Variants in TMEM131 observed in about 807,000 individuals in gnomAD.
TMEM131 encodes 2610524E03Rik.
A neutral mutation model predicts 211.6 loss-of-function variants in TMEM131; 66 were observed. The observed-to-expected ratio is 0.31, with a 90% confidence interval of 0.26 to 0.38. TMEM131 has a LOEUF of 0.38. TMEM131 is among the 10% of genes least tolerant of loss of function. The pLI is 1.00. For synonymous variants in TMEM131, 844 were observed against 841.3 expected (o/e 1.00, Z -0.06); for missense variants, 2,036 against 2,299.3 (o/e 0.89, Z 2.34).
chr2:97,822,547 G>C (rs1382016098), intron 11 of TMEM131, among the ~76,000 whole-genome samples: 15 of 152,152 alleles, frequency 9.9e-5, no homozygotes, highest in Non-Finnish European at 1.5e-5. Flanking sequence ...TTTCGAGAAT[G>C]CGTCGGTAAG....
chr2:97,905,056 T>C (rs1042916003), intron 3 of TMEM131, among the ~76,000 whole-genome samples: 1 of 152,214 alleles, frequency 6.6e-6, no homozygotes. Context: ...CCACATATTT[T>C]TGCCTTTTTG....
intron 2 of TMEM131, 112 bp downstream of exon 2, chr2:97,927,314 C>A: frequency 1.3e-6 from 1 of 781,658 alleles, no homozygotes; most frequent in South Asian, 3.0e-5. Flanking sequence ...ATCTTCAAAG[C>A]TCATAAAATA....
chr2:97,943,032 AAAAGAAAAGAAAGAAAGAAAGAAAGAAAG>A (rs1677843467), intron 1 of TMEM131, among the ~76,000 whole-genome samples: 3 of 47,318 alleles, frequency 6.3e-5, no homozygotes, highest in South Asian at 6.6e-4. Flanking sequence ...AAAAGAAAAG[AAAAGAAAAGAAAGAAAGAAAGAAAGAAAG>A]AAAGAAAGAA....
At chr2:97,874,730 A>T (rs1674623421) in intron 4 of TMEM131, among the ~76,000 whole-genome samples, 1 of 152,234 alleles carries the variant, frequency 6.6e-6, no homozygotes. Flanking sequence ...GGAAGCACTA[A>T]ATATGGACAG....
intron 1 of TMEM131, among the ~76,000 whole-genome samples, chr2:97,943,461 C>T (rs568899583): frequency 3.9e-5 from 6 of 152,140 alleles, no homozygotes; most frequent in African/African-American, 1.2e-4. Flanking sequence ...TTATACATCT[C>T]GAACAAGTAC....
chr2:97,894,519 A>T (rs1339571873), intron 3 of TMEM131, among the ~76,000 whole-genome samples: 1 of 152,174 alleles, frequency 6.6e-6, no homozygotes. Context: ...ATAAGCATGG[A>T]AAGTTTTTCC....
chr2:97,844,146 TG>T lies in TMEM131; in HGVS notation c.598del (p.Gln200ArgfsTer13). 2 of 978,056 alleles carry T rather than the reference TG, an allele frequency of 2.0e-6. No individual in the cohort carries two copies. The highest frequency in any genetic ancestry group is 3.0e-5 in the South Asian group (1 of 32,870). The allele number at this position is 978,056 out of a possible 1,614,324, so 60.6% of individuals were successfully genotyped here. On this transcript the variant is annotated frameshift_variant and splice_region_variant, in exon 6 of 41. Coordinates refer to ENST00000186436, the MANE Select transcript of TMEM131 (RefSeq NM_015348.2). LOFTEE classifies it high-confidence loss of function. ...ATAAGTTTTAATTCTGGTTCTTACC[TG>T]GTAAGTAAATACCCCATGATTAGAT... ...NTSNHGVFTY[Q>X]VFGVGVPNPY...
At chr2:97,805,491 C>T (rs747305688) in intron 20 of TMEM131, 40 bp from the exon 21 acceptor site, 5 of 1,613,274 alleles carry the variant, frequency 3.1e-6, no homozygotes, top group East Asian at 4.5e-5. Flanking sequence ...CCCAAATCCA[C>T]AGGAGGTCAT....
At chr2:97,901,793 GGT>G (rs1675863873) in intron 3 of TMEM131, among the ~76,000 whole-genome samples, 1 of 152,092 alleles carries the variant, frequency 6.6e-6, no homozygotes, top group African/African-American at 2.4e-5. Flanking sequence ...TTTGCTTTTT[GGT>G]GTGAGAGGGA....
rs116275162 is a variant in TMEM131 at position 97,883,295 on chromosome 2, G to A, written c.359+4757C>T. On this transcript the variant is annotated intron_variant, in intron 4 of 40. Transcript: ENST00000186436. ...CTATTTTGGAGCAGCATGTAAATCC[G>A]CTGCTTTGGGGAACAGTCTTATATA... 6.4e-3 allele frequency among the ~76,000 whole-genome samples: 978 copies of A among 152,222 alleles called. 10 individuals carry two copies. Among genetic ancestry groups the A allele is most frequent in the African/African-American group, 0.022 (915 of 41,520 alleles).
At chr2:97,898,130 A>G (rs1314393088) in intron 3 of TMEM131, among the ~76,000 whole-genome samples, 3 of 151,830 alleles carry the variant, frequency 2.0e-5, no homozygotes, top group Non-Finnish European at 4.4e-5. Context: ...TTTAGTTTAC[A>G]TTGATTTTTT....
chr2:97,757,262 C>T lies in TMEM131; in HGVS notation c.5489G>A (p.Gly1830Asp), dbSNP rs372980602. 1.2e-6 allele frequency: 2 copies of T among 1,613,732 alleles called. No homozygotes were observed. The highest frequency in any genetic ancestry group is 1.7e-5 in the Admixed American group (1 of 59,980). Residue 1830 changes from glycine (G) to aspartate (D), a missense_variant, in exon 41 of 41, where the codon GGC becomes GAC. Transcript: ENST00000186436. ...AGGGGAGTTTTCTGTGCCCATGAGG[C>T]CGATGCTTGCCAGCGTGTTTGCTGG... ...TTPANTLASI[G>D]LMGTENSPAP...
At chr2:97,821,807 G>C (rs951632496) in intron 11 of TMEM131, among the ~76,000 whole-genome samples, 1 of 152,180 alleles carries the variant, frequency 6.6e-6, no homozygotes, top group African/African-American at 2.4e-5. Context: ...AAAGACACAG[G>C]TGTCAGGCTT....
In TMEM131 at chr2:97,943,540, T is replaced by G. The variant is rs535016595; in HGVS notation, c.188-16053A>C. 5.9e-5 allele frequency among the ~76,000 whole-genome samples: 9 copies of G among 152,262 alleles called. No homozygotes were observed. The East Asian group carries it at 1.5e-3, about 26-fold the overall frequency. ...TTTAAAAGACCTAAATAGAAAGATA[T>G]CTGGTATTCATAAGCTAGAATACTT... On this transcript the variant is annotated intron_variant, in intron 1 of 40. Coordinates refer to ENST00000186436, the MANE Select transcript of TMEM131 (RefSeq NM_015348.2).
intron 4 of TMEM131, among the ~76,000 whole-genome samples, chr2:97,879,944 A>G (rs1674856174): frequency 6.6e-6 from 1 of 152,176 alleles, no homozygotes; most frequent in African/African-American, 2.4e-5. Context: ...CTAACCTGCC[A>G]TGTTGTTAAA....
chr2:97,840,003 G>A (rs546591595), intron 7 of TMEM131, among the ~76,000 whole-genome samples: 93 of 152,276 alleles, frequency 6.1e-4, no homozygotes, highest in Non-Finnish European at 1.1e-3. Context: ...ATCAACAAAC[G>A]ATATACATTT....
At chr2:97,797,075 C>T (rs1680802592) in intron 26 of TMEM131, 89 bp from the exon 27 acceptor site, 2 of 1,318,894 alleles carry the variant, frequency 1.5e-6, no homozygotes, top group African/African-American at 1.5e-5. Context: ...TTACAGAGCA[C>T]CACATAGAAA....
chr2:97,931,541 C>T (rs779955653), intron 1 of TMEM131, among the ~76,000 whole-genome samples: 11 of 152,120 alleles, frequency 7.2e-5, no homozygotes, highest in Non-Finnish European at 1.6e-4. Flanking sequence ...AATTTTAATA[C>T]ATCTAAAATA....
intron 12 of TMEM131, 40 bp from the exon 13 acceptor site, chr2:97,815,347 C>T (rs760836260): frequency 2.3e-6 from 3 of 1,277,356 alleles, no homozygotes; most frequent in Non-Finnish European, 3.2e-6. Flanking sequence ...TTACCTTTTA[C>T]TACCAAAGAG....
Sources: allele counts gnomAD v4.1 joint callset (sites outside exome capture counted in the v4.1 genomes callset), GRCh38; gene constraint gnomAD v4.1.1; transcripts MANE v1.5; gene names NCBI Gene and HGNC (gene_info 2026-07-23, HGNC 2026-07-21).